Variants in NAALADL2 observed in about 807,000 individuals in gnomAD.
NAALADL2 encodes N-acetylated alpha-linked acidic dipeptidase like 2.
Under a neutral mutation model 87.2 loss-of-function variants are expected in NAALADL2, and 76 were observed. The observed-to-expected ratio is 0.87, with a 90% confidence interval of 0.72 to 1.05. The LOEUF (loss-of-function observed/expected upper bound fraction) is 1.05. Ranked by LOEUF, NAALADL2 falls within the 50% of genes least tolerant of loss-of-function variation. The pLI is 0.00. For synonymous variants in NAALADL2, 354 were observed against 331.0 expected (o/e 1.07, Z -0.75); for missense variants, 1,089 against 945.8 (o/e 1.15, Z -1.99).
chr3:174,566,086 A>C (rs1714223858), intron 2 of NAALADL2, among the ~76,000 whole-genome samples: 1 of 151,560 alleles, frequency 6.6e-6, no homozygotes, highest in Non-Finnish European at 1.5e-5. Flanking sequence ...TGCCCTTTAT[A>C]ATTTTAGTGG....
At chr3:174,887,082 A>G (rs1052877729) in intron 1 of NAALADL2, among the ~76,000 whole-genome samples, 2 of 152,190 alleles carry the variant, frequency 1.3e-5, no homozygotes, top group Admixed American at 6.5e-5. Flanking sequence ...AGGAGCTTCC[A>G]TCTTCTTGCC....
chr3:175,574,952 A>G (rs1718643499), intron 9 of NAALADL2, among the ~76,000 whole-genome samples: 1 of 152,154 alleles, frequency 6.6e-6, no homozygotes, highest in Admixed American at 6.5e-5. Context: ...CTATTCTTCC[A>G]CGTTTCATAG....
At chr3:175,771,138 CCTTTT>C (rs1444581268) in intron 13 of NAALADL2, among the ~76,000 whole-genome samples, 1 of 151,862 alleles carries the variant, frequency 6.6e-6, no homozygotes, top group Non-Finnish European at 1.5e-5. Flanking sequence ...AAATGTTTGC[CCTTTT>C]ATTTTATGTA....
At chr3:175,317,882 G>A (rs1346650621) in intron 4 of NAALADL2, among the ~76,000 whole-genome samples, 1 of 151,986 alleles carries the variant, frequency 6.6e-6, no homozygotes, top group Non-Finnish European at 1.5e-5. Flanking sequence ...TCCTCTGAAG[G>A]GAAAATAGCT....
intron 2 of NAALADL2, among the ~76,000 whole-genome samples, chr3:174,731,782 C>T (rs1578713987): frequency 6.6e-6 from 1 of 152,108 alleles, no homozygotes; most frequent in Non-Finnish European, 1.5e-5. Flanking sequence ...CTTTAAGACC[C>T]ACTGGGTTAT....
chr3:175,550,553 C>G (rs749933274), intron 9 of NAALADL2, among the ~76,000 whole-genome samples: 4 of 152,128 alleles, frequency 2.6e-5, no homozygotes, highest in Non-Finnish European at 5.9e-5. Context: ...GTTAAGGATA[C>G]TGATTGGTAT....
At chr3:175,019,767 A>T (rs763124579) in intron 1 of NAALADL2, among the ~76,000 whole-genome samples, 1 of 152,082 alleles carries the variant, frequency 6.6e-6, no homozygotes, top group Non-Finnish European at 1.5e-5. Context: ...AGCTTGCAGT[A>T]TATTATGCCG....
At chr3:175,326,959 A>G (rs1290110703) in intron 5 of NAALADL2, among the ~76,000 whole-genome samples, 4 of 152,038 alleles carry the variant, frequency 2.6e-5, no homozygotes, top group Non-Finnish European at 5.9e-5. Context: ...ATCTAAAACT[A>G]CCTTTTTTCA....
At chr3:174,851,213 G>A (rs1725204582) in intron 3 of NAALADL2, among the ~76,000 whole-genome samples, 2 of 151,804 alleles carry the variant, frequency 1.3e-5, no homozygotes, top group Admixed American at 1.3e-4. Flanking sequence ...AAATGCAAGG[G>A]CAACCAAACT....
chr3:174,711,610 T>A (rs1730639499), intron 2 of NAALADL2, among the ~76,000 whole-genome samples: 1 of 152,206 alleles, frequency 6.6e-6, no homozygotes, highest in Admixed American at 6.5e-5. Context: ...TAGTCCTTTC[T>A]ATTCTTCAGT....
chr3:174,584,623 T>C (rs924282483), intron 2 of NAALADL2, among the ~76,000 whole-genome samples: 49 of 152,282 alleles, frequency 3.2e-4, no homozygotes, highest in African/African-American at 1.2e-3. Context: ...AACTTTTAAG[T>C]ACAAATCTCC....
chr3:175,132,208 G>A (rs1456056195), intron 2 of NAALADL2, among the ~76,000 whole-genome samples: 1 of 82,746 alleles, frequency 1.2e-5, no homozygotes, highest in Non-Finnish European at 2.3e-5. Context: ...CAGTAGGGGC[G>A]GCCGGGCAGA....
In NAALADL2 at chr3:174,586,033, T is replaced by A. The variant is rs556930657; in HGVS notation, c.-115+35396T>A. On this transcript the variant is annotated intron_variant, in intron 2 of 3. Transcript: ENST00000434257. ...GAAAAGTTTCTAGAATAGTGGCTTG[T>A]ACATAGCAAGCTCTTTACAGGTATT... Among the ~76,000 whole-genome samples the A allele has an allele frequency of 2.6e-3, 389 of 152,348 alleles. 4 individuals carry two copies. The highest frequency in any genetic ancestry group is 4.4e-3 in the Non-Finnish European group (302 of 68,034).
intron 11 of NAALADL2, among the ~76,000 whole-genome samples, chr3:175,698,888 A>G (rs1270561064): frequency 2.0e-5 from 3 of 151,884 alleles, no homozygotes; most frequent in Non-Finnish European, 4.4e-5. Flanking sequence ...GCATGATAGA[A>G]ATCCAAATGC....
chr3:174,898,625 A>AC (rs1731916599), intron 1 of NAALADL2, among the ~76,000 whole-genome samples: 1 of 152,066 alleles, frequency 6.6e-6, no homozygotes, highest in Non-Finnish European at 1.5e-5. Context: ...GCATAAATTT[A>AC]TACATCTACT....
intron 3 of NAALADL2, among the ~76,000 whole-genome samples, chr3:174,775,599 A>C: frequency 9.2e-6 from 1 of 108,708 alleles, no homozygotes; most frequent in South Asian, 2.6e-4. Context: ...TAGTAAACCA[A>C]TGGCTTGTTA....
intron 2 of NAALADL2, among the ~76,000 whole-genome samples, chr3:175,102,000 A>G (rs1183320710): frequency 6.6e-6 from 1 of 152,198 alleles, no homozygotes; most frequent in African/African-American, 2.4e-5. Context: ...ATTCCCTATC[A>G]ATCAGAAAAT....
intron 11 of NAALADL2, among the ~76,000 whole-genome samples, chr3:175,728,201 A>G (rs980328990): frequency 3.3e-5 from 5 of 152,200 alleles, no homozygotes; most frequent in African/African-American, 1.2e-4. Flanking sequence ...TACAAGAAAC[A>G]TATCCCAAAC....
intron 2 of NAALADL2, among the ~76,000 whole-genome samples, chr3:175,223,144 G>A (rs1160866757): frequency 6.8e-6 from 1 of 147,024 alleles, no homozygotes; most frequent in Non-Finnish European, 1.5e-5. Context: ...TAAGGACACT[G>A]TTCTCTTACC....
Sources: allele counts gnomAD v4.1 joint callset (sites outside exome capture counted in the v4.1 genomes callset), GRCh38; gene constraint gnomAD v4.1.1; transcripts MANE v1.5; gene names NCBI Gene and HGNC (gene_info 2026-07-23, HGNC 2026-07-21).